Variants in FNDC1 observed in about 807,000 individuals in gnomAD.
FNDC1 encodes the protein fibronectin type III domain containing 1, also known as fibronectin type III domain-containing protein 1.
Under a neutral mutation model 168.0 loss-of-function variants are expected in FNDC1, and 96 were observed. The observed-to-expected ratio is 0.57, with a 90% CI of 0.48 to 0.68. FNDC1 has a LOEUF of 0.68. Among genes scored for constraint, FNDC1 ranks in the 30% least tolerant of loss-of-function variants. The pLI is 0.00. For missense variants in FNDC1, 2,587 were observed against 2,482.1 expected, an observed-to-expected ratio of 1.04 and a Z score of -0.90; for synonymous variants, 1,099 against 1,025.9, an observed-to-expected ratio of 1.07 and a Z score of -1.36.
chr6:159,235,555 C>T lies in FNDC1; in HGVS notation c.3968-660C>T, dbSNP rs116314072. Among the ~76,000 whole-genome samples, 1,108 of 152,234 alleles carry T rather than the reference C, an allele frequency of 7.3e-3. 15 individuals carry two copies. Among genetic ancestry groups the T allele is most frequent in the African/African-American group, 0.026 (1,062 of 41,542 alleles). On this transcript the variant is annotated intron_variant, in intron 11 of 22. Coordinates refer to ENST00000297267, the MANE Select transcript of FNDC1 (RefSeq NM_032532.3). The stretch of plus-strand genomic sequence containing the variant: ...AAGTGTCTGACCTGCGAGTAGCGGT[C>T]AGAAAGCCCAAGCACTTTGCCGAGC...
At position 159,233,056 on chromosome 6, in the gene FNDC1, C is replaced by T. The variant is rs112234396; in HGVS notation, c.2544C>T (p.Ser848=). ...GACCTCGGCTGCAGCCCTCCAGCTC[C>T]CCACAGTCGACTGTGCCCTCCCGAG... ...GRGPRLQPSS[S]PQSTVPSRAH... The change falls in exon 11 of 23, where the codon TCC becomes TCT. Residue 848 remains serine (S), a synonymous_variant. Transcript: ENST00000297267. This position sits in a 1 kb window ranked among gnomAD's most constrained non-coding sequence, Gnocchi z 4.6. The T allele has an allele frequency of 1.2e-5, 20 of 1,610,470 alleles. No homozygotes were observed. Among genetic ancestry groups the T allele is most frequent in the African/African-American group, 1.2e-4 (9 of 74,966 alleles).
chr6:159,177,798 CTG>C (rs1781795740), intron 1 of FNDC1, among the ~76,000 whole-genome samples: 1 of 152,144 alleles, frequency 6.6e-6, no homozygotes, highest in African/African-American at 2.4e-5. Flanking sequence ...GCTGGTGTGG[CTG>C]TGTTTACTTT....
chr6:159,229,142 C>T (rs392551), intron 9 of FNDC1, among the ~76,000 whole-genome samples: 58,387 of 152,124 alleles, frequency 0.38, 14,352 homozygotes, highest in East Asian at 0.73. Flanking sequence ...ACTGAATTTG[C>T]TTTGGTTTTC....
intron 17 of FNDC1, among the ~76,000 whole-genome samples, chr6:159,255,867 G>C (rs1469886053): frequency 6.6e-6 from 1 of 152,246 alleles, no homozygotes; most frequent in East Asian, 1.9e-4. Flanking sequence ...TCCTGGGACA[G>C]TTGTAAAGGC....
At chr6:159,178,351 A>G (rs1025980069) in intron 1 of FNDC1, among the ~76,000 whole-genome samples, 1 of 152,190 alleles carries the variant, frequency 6.6e-6, no homozygotes, top group Non-Finnish European at 1.5e-5. Context: ...ATTGCAATAC[A>G]TACTCCTAAA....
intron 1 of FNDC1, among the ~76,000 whole-genome samples, chr6:159,186,398 G>A (rs1419419181): frequency 6.6e-6 from 1 of 152,200 alleles, no homozygotes; most frequent in African/African-American, 2.4e-5. Context: ...GAGATAATGA[G>A]AGTGCTTCTG....
intron 1 of FNDC1, among the ~76,000 whole-genome samples, chr6:159,180,761 C>G (rs1050434146): frequency 6.6e-6 from 1 of 152,106 alleles, no homozygotes. Context: ...TATTAGTTTG[C>G]TGAGGATAAT....
intron 4 of FNDC1, among the ~76,000 whole-genome samples, chr6:159,206,469 A>T (rs1247096050): frequency 6.6e-6 from 1 of 152,222 alleles, no homozygotes; most frequent in Non-Finnish European, 1.5e-5. Context: ...GCAATTGCAC[A>T]GTGGGTGCTC....
intron 18 of FNDC1, among the ~76,000 whole-genome samples, chr6:159,259,220 G>T (rs1777431427): frequency 6.6e-6 from 1 of 152,174 alleles, no homozygotes; most frequent in South Asian, 2.1e-4. Context: ...AAAGTTTCAT[G>T]TAGGTTTTAA....
At chr6:159,219,046 C>CTT (rs11435161) in intron 5 of FNDC1, among the ~76,000 whole-genome samples, 22,700 of 146,622 alleles carry the variant, frequency 0.15, 2,001 homozygotes, top group African/African-American at 0.22. Context: ...AGTTTCCCCT[C>CTT]TTTTTTTTTT....
chr6:159,260,408 C>T (rs148795968), intron 18 of FNDC1, among the ~76,000 whole-genome samples: 39 of 152,364 alleles, frequency 2.6e-4, no homozygotes, highest in African/African-American at 8.9e-4. Flanking sequence ...ACTCAGGCAT[C>T]ATGCTTTCCA....
chr6:159,242,706 C>T (rs190404623), intron 14 of FNDC1, among the ~76,000 whole-genome samples: 31 of 152,306 alleles, frequency 2.0e-4, no homozygotes, highest in Admixed American at 1.8e-3. Context: ...TTCCTCCCTC[C>T]TCCCAACCCA....
intron 9 of FNDC1, 50 bp downstream of exon 9, chr6:159,226,630 T>C (rs1451212368): frequency 7.2e-7 from 1 of 1,395,490 alleles, no homozygotes; most frequent in Non-Finnish European, 9.9e-7. Flanking sequence ...CTGATGAACA[T>C]GGCCTCTGCT....
intron 1 of FNDC1, among the ~76,000 whole-genome samples, chr6:159,196,301 A>T (rs1336612420): frequency 6.6e-6 from 1 of 152,134 alleles, no homozygotes; most frequent in Non-Finnish European, 1.5e-5. Flanking sequence ...CAAAATCCTC[A>T]AATTCATACT....
At chr6:159,206,076 C>T (rs1314097087) in intron 4 of FNDC1, among the ~76,000 whole-genome samples, 1 of 152,250 alleles carries the variant, frequency 6.6e-6, no homozygotes, top group Non-Finnish European at 1.5e-5. Context: ...CTTATTTAAA[C>T]TGACATGTGT....
Position 159,231,895 on chromosome 6 carries a change from T to TG in FNDC1, c.1384dup (p.Val462GlyfsTer2), listed in dbSNP as rs753123172. ...AATCTGTTGCAGCCAGTAAGGCGGA[T>TG]GTTGAGCAGAACACGGAGGACAATG... is the stretch of plus-strand genomic sequence containing the variant. On this transcript the variant is annotated frameshift_variant, in exon 11 of 23. Transcript: ENST00000297267. LOFTEE classifies it high-confidence loss of function. 6.3e-7 allele frequency: 1 copy of TG among 1,597,128 alleles called. No individual in the cohort carries two copies. Among genetic ancestry groups the TG allele is most frequent in the South Asian group, 1.1e-5 (1 of 87,558 alleles).
chr6:159,219,997 C>T (rs1388291655), intron 5 of FNDC1, among the ~76,000 whole-genome samples: 1 of 152,184 alleles, frequency 6.6e-6, no homozygotes. Context: ...TCTGTGCATT[C>T]AAGTGTTACA....
rs752866009 is a variant in FNDC1, at chr6:159,226,596, C to T, written c.1180+16C>T. 7.0e-6 allele frequency: 11 copies of T among 1,565,488 alleles called. No individual in the cohort carries two copies. Among genetic ancestry groups the T allele is most frequent in the Non-Finnish European group, 8.7e-6 (10 of 1,147,252 alleles). On this transcript the variant is annotated intron_variant, in intron 9 of 22. Transcript: ENST00000297267. ...AAAGTGAAAGGTAGGAATCTCACTC[C>T]CTAAACTGTAAGATGCATTGATTCT...
intron 17 of FNDC1, among the ~76,000 whole-genome samples, chr6:159,253,980 A>G (rs1426339947): frequency 6.6e-6 from 1 of 152,200 alleles, no homozygotes; most frequent in African/African-American, 2.4e-5. Context: ...ACTGTGCCAG[A>G]CGGGAAATGC....
Sources: gnomAD v4.1 joint callset for allele counts (sites outside exome capture counted in the v4.1 genomes callset) on GRCh38, gnomAD v4.1.1 for gene constraint, Gnocchi (gnomAD v3.1) non-coding constraint, MANE v1.5 for transcripts, NCBI Gene and HGNC (gene_info 2026-07-23, HGNC 2026-07-21) for gene names.